The following LHFPL3 variants were observed in gnomAD, a reference collection of about 807,000 sequenced individuals.
LHFPL3 encodes the protein LHFPL tetraspan subfamily member 3 protein.
In LHFPL3, 5 loss-of-function variants were observed where a neutral mutation model predicts 19.3. The ratio of observed to expected loss-of-function variants is 0.26; its 90% CI spans 0.14 to 0.54. The LOEUF is 0.54. Among genes scored for constraint, LHFPL3 ranks in the 20% least tolerant of loss-of-function variants. LHFPL3 has a pLI of 0.94. For synonymous variants in LHFPL3, 133 were observed against 126.2 expected (o/e 1.05, Z -0.36); for missense variants, 249 against 307.4 (o/e 0.81, Z 1.42).
chr7:104,375,850 T>C (rs750384443), intron 1 of LHFPL3, among the ~76,000 whole-genome samples: 6 of 152,232 alleles, frequency 3.9e-5, no homozygotes, highest in Admixed American at 6.5e-5. Context: ...GCATCATGTC[T>C]TTCTTACCTA....
chr7:104,836,896 C>T (rs184700284), intron 2 of LHFPL3, among the ~76,000 whole-genome samples: 1 of 152,258 alleles, frequency 6.6e-6, no homozygotes, highest in Admixed American at 6.5e-5. Flanking sequence ...GAAAATTACA[C>T]CCAGTCTTGT....
At chr7:104,883,085 A>G (rs891026906) in intron 2 of LHFPL3, among the ~76,000 whole-genome samples, 1 of 152,246 alleles carries the variant, frequency 6.6e-6, no homozygotes, top group Non-Finnish European at 1.5e-5. Flanking sequence ...TGGCAACTCT[A>G]TGATGATCCA....
At chr7:104,858,460 A>G (rs1430726479) in intron 2 of LHFPL3, among the ~76,000 whole-genome samples, 1 of 152,116 alleles carries the variant, frequency 6.6e-6, no homozygotes, top group Admixed American at 6.5e-5. Context: ...GTATCTACAT[A>G]CATACCTCTA....
chr7:104,665,383 G>C (rs1227149881), intron 1 of LHFPL3, among the ~76,000 whole-genome samples: 1 of 152,110 alleles, frequency 6.6e-6, no homozygotes, highest in Non-Finnish European at 1.5e-5. Context: ...AGGATAATAT[G>C]GTTTAGAGAT....
chr7:104,396,046 A>G (rs1000206939), intron 1 of LHFPL3, among the ~76,000 whole-genome samples: 1 of 152,178 alleles, frequency 6.6e-6, no homozygotes, highest in African/African-American at 2.4e-5. Context: ...TCACCCAGAC[A>G]GCTCCTCTTC....
chr7:104,660,672 T>C (rs1792209856), intron 1 of LHFPL3, among the ~76,000 whole-genome samples: 2 of 152,342 alleles, frequency 1.3e-5, no homozygotes, highest in South Asian at 4.1e-4. Context: ...GGCAATGTCA[T>C]TTAGATTATC....
intron 1 of LHFPL3, among the ~76,000 whole-genome samples, chr7:104,430,710 C>T (rs1316451150): frequency 1.3e-5 from 2 of 151,024 alleles, no homozygotes; most frequent in Admixed American, 1.3e-4. Context: ...CCTCATGATC[C>T]GCCCACCTCG....
chr7:104,629,121 G>A (rs1178271171), intron 1 of LHFPL3, among the ~76,000 whole-genome samples: 2 of 152,080 alleles, frequency 1.3e-5, no homozygotes, highest in African/African-American at 4.8e-5. Flanking sequence ...TATCTTATGT[G>A]TGTTACCAGC....
chr7:104,535,114 C>T (rs1224341477), intron 1 of LHFPL3, among the ~76,000 whole-genome samples: 1 of 152,156 alleles, frequency 6.6e-6, no homozygotes, highest in Non-Finnish European at 1.5e-5. Flanking sequence ...ATTACTGCTA[C>T]CACCAGATGT....
chr7:104,562,034 G>T (rs1400734320), intron 1 of LHFPL3, among the ~76,000 whole-genome samples: 4 of 152,154 alleles, frequency 2.6e-5, no homozygotes, highest in Non-Finnish European at 5.9e-5. Flanking sequence ...GGCTTGTAGG[G>T]TTTCTGCTGA....
chr7:104,531,989 C>T (rs527833886), intron 1 of LHFPL3, among the ~76,000 whole-genome samples: 6 of 152,264 alleles, frequency 3.9e-5, no homozygotes, highest in East Asian at 1.9e-4. Flanking sequence ...TGTTCTGGGC[C>T]GTGATTCCTT....
At chr7:104,524,503 A>G (rs767977380) in intron 1 of LHFPL3, among the ~76,000 whole-genome samples, 2 of 152,156 alleles carry the variant, frequency 1.3e-5, no homozygotes, top group Non-Finnish European at 2.9e-5. Context: ...GTCAGCTTGG[A>G]GTGTCTAAAG....
chr7:104,399,658 G>C lies in LHFPL3; in HGVS notation c.445+70434G>C, dbSNP rs60357714. Among the ~76,000 whole-genome samples the C allele has an allele frequency of 0.04, 5,756 of 145,024 alleles. 403 individuals carry two copies. The highest frequency in any genetic ancestry group is 0.14 in the African/African-American group (5,457 of 39,134). ...TGCATTTTTTTTTTTTTTTTTGGTAGAGACGGGGTTTCACCATATTGGCCA... is the reference window on the plus strand; with the variant it reads ...TGCATTTTTTTTTTTTTTTTTGGTACAGACGGGGTTTCACCATATTGGCCA... On this transcript the variant is annotated intron_variant, in intron 1 of 2. Transcript: ENST00000424859. This position sits in a 1 kb window ranked among gnomAD's most constrained non-coding sequence, Gnocchi z 4.4.
intron 1 of LHFPL3, among the ~76,000 whole-genome samples, chr7:104,544,754 A>C (rs1013715804): frequency 5.9e-5 from 9 of 152,234 alleles, no homozygotes; most frequent in Non-Finnish European, 1.3e-4. Context: ...GGTAAGTAGA[A>C]AATGATTTGG....
At chr7:104,386,730 G>A (rs1201940542) in intron 1 of LHFPL3, among the ~76,000 whole-genome samples, 1 of 152,182 alleles carries the variant, frequency 6.6e-6, no homozygotes, top group African/African-American at 2.4e-5. Flanking sequence ...ATTCAAGAAA[G>A]TTTAGAAAAT....
chr7:104,564,679 T>C (rs1455154329), intron 1 of LHFPL3, among the ~76,000 whole-genome samples: 3 of 152,334 alleles, frequency 2.0e-5, no homozygotes, highest in East Asian at 3.9e-4. Flanking sequence ...CAGTTGGATG[T>C]GAGTATGAAC....
chr7:104,464,726 A>G (rs1440295222), intron 1 of LHFPL3, among the ~76,000 whole-genome samples: 1 of 152,212 alleles, frequency 6.6e-6, no homozygotes, highest in East Asian at 1.9e-4. Flanking sequence ...CTGAGGCTGC[A>G]CTGAGCAGCA....
At chr7:104,629,077 A>G (rs1300261538) in intron 1 of LHFPL3, among the ~76,000 whole-genome samples, 1 of 152,208 alleles carries the variant, frequency 6.6e-6, no homozygotes, top group African/African-American at 2.4e-5. Context: ...TTCCTTTTGT[A>G]TAACTACAAT....
chr7:104,682,651 A>T (rs13242198), intron 1 of LHFPL3, among the ~76,000 whole-genome samples: 4 of 152,140 alleles, frequency 2.6e-5, no homozygotes, highest in Non-Finnish European at 5.9e-5. Context: ...TGCCAGCTGG[A>T]AAAACAAGTT....
Sources: allele counts gnomAD v4.1 joint callset (sites outside exome capture counted in the v4.1 genomes callset), GRCh38; gene constraint gnomAD v4.1.1; non-coding constraint Gnocchi (gnomAD v3.1); transcripts MANE v1.5; gene names NCBI Gene and HGNC (gene_info 2026-07-23, HGNC 2026-07-21).